Variants in PCSK5 observed in about 807,000 individuals in gnomAD.
The protein encoded by PCSK5 is prohormone convertase 5.
In PCSK5, 129 loss-of-function variants were observed where a neutral mutation model predicts 233.2. That is an observed-to-expected ratio of 0.55 (90% CI 0.48 to 0.64). The LOEUF (loss-of-function observed/expected upper bound fraction) is 0.64, where lower values mean the gene tolerates loss of function less well. Among genes scored for constraint, PCSK5 ranks in the 30% least tolerant of loss-of-function variants. PCSK5 has a pLI of 0.00. For synonymous variants in PCSK5, 825 were observed against 879.2 expected, an observed-to-expected ratio of 0.94 and a Z score of 1.09; for missense variants, 2,076 against 2,430.1, an observed-to-expected ratio of 0.85 and a Z score of 3.06.
intron 17 of PCSK5, among the ~76,000 whole-genome samples, chr9:76,187,928 A>G (rs537742876): frequency 2.2e-4 from 33 of 152,340 alleles, no homozygotes; most frequent in African/African-American, 6.5e-4. Flanking sequence ...AAATAGCAGT[A>G]CAGTTAGTTT....
intron 5 of PCSK5, among the ~76,000 whole-genome samples, chr9:76,066,586 C>A (rs892841616): frequency 2.0e-5 from 3 of 152,034 alleles, no homozygotes; most frequent in Admixed American, 2.0e-4. Context: ...TATATATAGA[C>A]AGATACACAC....
At position 76,216,459 on chromosome 9, in the gene PCSK5, G is replaced by T. The variant is rs117845785; in HGVS notation, c.2627-11044G>T. ...CTCACAACCAATTCCTGACCACTGT[G>T]CTAAGAGCTGGGTGAAGATCAGTGA... On this transcript the variant is annotated intron_variant, in intron 20 of 37. Coordinates refer to ENST00000674117, the MANE Select transcript of PCSK5 (RefSeq NM_001372043.1). Among the ~76,000 whole-genome samples, 1,476 of 152,282 alleles carry T rather than the reference G, an allele frequency of 9.7e-3. 10 individuals carry two copies. The highest frequency in any genetic ancestry group is 0.015 in the Non-Finnish European group (1,036 of 68,024).
chr9:76,116,311 T>A (rs985706966), intron 9 of PCSK5, among the ~76,000 whole-genome samples: 71 of 152,150 alleles, frequency 4.7e-4, no homozygotes, highest in Non-Finnish European at 1.5e-4. Context: ...TAAGATTGCA[T>A]TATTTCTTAC....
intron 9 of PCSK5, among the ~76,000 whole-genome samples, chr9:76,122,696 C>A (rs1483564053): frequency 6.6e-6 from 1 of 151,752 alleles, no homozygotes; most frequent in African/African-American, 2.4e-5. Flanking sequence ...CTTTGTAGGA[C>A]ATATATTTCA....
chr9:75,936,761 C>A (rs1028885497), intron 2 of PCSK5, among the ~76,000 whole-genome samples: 2 of 152,148 alleles, frequency 1.3e-5, no homozygotes, highest in Admixed American at 1.3e-4. Context: ...TTTGACCTCC[C>A]CTTATGAATC....
intron 24 of PCSK5, among the ~76,000 whole-genome samples, chr9:76,291,210 G>A (rs567198841): frequency 6.6e-6 from 1 of 152,328 alleles, no homozygotes; most frequent in East Asian, 1.9e-4. Context: ...TAGGACCCAA[G>A]ATGAACGTGT....
At chr9:76,067,809 G>C (rs923172081) in intron 5 of PCSK5, 146 bp from the exon 6 acceptor site, 1 of 649,864 alleles carries the variant, frequency 1.5e-6, no homozygotes, top group Non-Finnish European at 2.8e-6. Flanking sequence ...AGTTTGCCAT[G>C]GACAGACAAA....
chr9:76,315,928 G>GTTTTTTT (rs71499141), intron 30 of PCSK5, among the ~76,000 whole-genome samples: 362 of 91,636 alleles, frequency 4.0e-3, no homozygotes, highest in Non-Finnish European at 5.2e-3. Context: ...CACTTCAAGG[G>GTTTTTTT]TTTTTTTTTT....
chr9:76,040,385 G>GTCTCTCTGTCTCTCTGTC (rs1563988638), intron 5 of PCSK5, among the ~76,000 whole-genome samples: 1 of 80,678 alleles, frequency 1.2e-5, no homozygotes, highest in African/African-American at 4.3e-5. Context: ...CTCTCTCTCT[G>GTCTCTCTGTCTCTCTGTC]TCTCTCTCTC....
intron 34 of PCSK5, among the ~76,000 whole-genome samples, chr9:76,335,461 TA>T (rs1829653472): frequency 6.6e-6 from 1 of 152,162 alleles, no homozygotes; most frequent in Non-Finnish European, 1.5e-5. Context: ...AAAGTAGGCA[TA>T]CACTTCTCTG....
intron 2 of PCSK5, among the ~76,000 whole-genome samples, chr9:75,984,570 C>T (rs186143752): frequency 2.0e-5 from 3 of 152,252 alleles, no homozygotes; most frequent in Admixed American, 6.5e-5. Flanking sequence ...GTTGCATAGT[C>T]AAAATCATCA....
intron 1 of PCSK5, among the ~76,000 whole-genome samples, chr9:75,896,969 G>T (rs1825833768): frequency 6.6e-6 from 1 of 152,140 alleles, no homozygotes; most frequent in Admixed American, 6.5e-5. Context: ...AGTAAAATTA[G>T]ATCGGAAAGA....
intron 9 of PCSK5, among the ~76,000 whole-genome samples, chr9:76,119,331 T>A (rs1432186088): frequency 2.0e-5 from 3 of 152,112 alleles, no homozygotes; most frequent in Admixed American, 1.3e-4. Flanking sequence ...TGTTTTGAAA[T>A]AGGGAATTTT....
intron 10 of PCSK5, among the ~76,000 whole-genome samples, chr9:76,144,221 A>G (rs1386372878): frequency 1.3e-5 from 2 of 152,258 alleles, no homozygotes; most frequent in Middle Eastern, 3.4e-3. Flanking sequence ...GGAGGTTACA[A>G]TGTATATGCT....
chr9:76,040,896 G>A (rs1737135711), intron 5 of PCSK5, among the ~76,000 whole-genome samples: 1 of 152,158 alleles, frequency 6.6e-6, no homozygotes, highest in Non-Finnish European at 1.5e-5. Flanking sequence ...ATCTACTAGT[G>A]ATATACTTAC....
chr9:76,193,454 T>C (rs1824521684), intron 20 of PCSK5: 2 of 850,476 alleles, frequency 2.4e-6, no homozygotes, highest in Admixed American at 6.9e-5. Flanking sequence ...AAGCCACCTC[T>C]CTCTTTCTTT....
chr9:76,361,970 A>G lies in PCSK5; in HGVS notation c.*3048A>G, dbSNP rs538038575. The G allele has an allele frequency of 8.5e-5, 13 of 152,140 alleles. No individual in the cohort carries two copies. Among genetic ancestry groups the G allele is most frequent in the Non-Finnish European group, 1.8e-4 (12 of 68,018 alleles). 9.4% of individuals were successfully genotyped at this position (152,140 alleles called of 1,614,324 possible). On this transcript the variant is annotated 3_prime_UTR_variant, in exon 38 of 38. Coordinates refer to ENST00000674117, the MANE Select transcript of PCSK5 (RefSeq NM_001372043.1). ...GGAAATTGTTTTCTATGAAAAAAAA[A>G]CTCTATGATACACAGTTAAAGATTG...
At chr9:76,273,564 AAT>A (rs1336491411) in intron 24 of PCSK5, among the ~76,000 whole-genome samples, 4 of 74,860 alleles carry the variant, frequency 5.3e-5, no homozygotes, top group African/African-American at 2.0e-4. Context: ...ACAAAATAGT[AAT>A]ATATATATAC....
chr9:75,917,821 G>C (rs897641930), intron 1 of PCSK5, among the ~76,000 whole-genome samples: 1 of 152,176 alleles, frequency 6.6e-6, no homozygotes, highest in East Asian at 1.9e-4. Context: ...TACTTGAAAA[G>C]AGGAAGAAAA....
Sources: gnomAD v4.1 joint callset for allele counts (sites outside exome capture counted in the v4.1 genomes callset) on GRCh38, gnomAD v4.1.1 for gene constraint, MANE v1.5 for transcripts, NCBI Gene and HGNC (gene_info 2026-07-23, HGNC 2026-07-21) for gene names.